CCR5AS: variants seen among roughly 807,000 people sequenced by gnomAD.
CCR5AS encodes the protein CCR5 antisense RNA.
chr3:46,389,211 G>A (rs890012849), intron 2 of CCR5AS, among the ~76,000 whole-genome samples: 2 of 152,198 alleles, frequency 1.3e-5, no homozygotes, highest in Admixed American at 6.5e-5. Flanking sequence ...TCAGAAATGC[G>A]AGTGAGTTTA....
chr3:46,372,932 TGAC>T, intron 2 of CCR5AS: 1 of 1,602,026 alleles, frequency 6.2e-7, no homozygotes, highest in Non-Finnish European at 8.5e-7. Context: ...GTCCAATCTA[TGAC>T]ATCAATTATT....
At chr3:46,402,820 C>CAAATT in intron 1 of CCR5AS, among the ~76,000 whole-genome samples, 1 of 152,238 alleles carries the variant, frequency 6.6e-6, no homozygotes, top group Non-Finnish European at 1.5e-5. Flanking sequence ...GTTTGTTGTA[C>CAAATT]AAATTATTTC....
At chr3:46,373,801 T>G in intron 2 of CCR5AS, 1 of 1,614,006 alleles carries the variant, frequency 6.2e-7, no homozygotes, top group Non-Finnish European at 8.5e-7. Context: ...TATGCCTTTG[T>G]CGGGGAGAAG....
At chr3:46,397,070 G>C (rs566056267) in intron 1 of CCR5AS, among the ~76,000 whole-genome samples, 1 of 152,322 alleles carries the variant, frequency 6.6e-6, no homozygotes, top group South Asian at 2.1e-4. Flanking sequence ...AAGGAGGAGT[G>C]GGGGCAAGAG....
intron 1 of CCR5AS, among the ~76,000 whole-genome samples, chr3:46,395,644 T>A (rs1177169342): frequency 6.6e-6 from 1 of 152,088 alleles, no homozygotes; most frequent in Non-Finnish European, 1.5e-5. Flanking sequence ...CTCTGCCCAC[T>A]CATGGCAAAG....
intron 2 of CCR5AS, among the ~76,000 whole-genome samples, chr3:46,386,344 G>C (rs6787972): frequency 6.6e-6 from 1 of 152,068 alleles, no homozygotes; most frequent in South Asian, 2.1e-4. Context: ...TGCAGTCAAC[G>C]TCTCACCAGT....
At chr3:46,397,449 A>G (rs35878193) in intron 1 of CCR5AS, among the ~76,000 whole-genome samples, 47,424 of 151,908 alleles carry the variant, frequency 0.31, 9,263 homozygotes, top group African/African-American at 0.55. Flanking sequence ...TCTATACAAA[A>G]ATTTGGACAA....
intron 2 of CCR5AS, chr3:46,373,995 G>C: frequency 6.7e-7 from 1 of 1,490,342 alleles, no homozygotes; most frequent in Non-Finnish European, 9.1e-7. Context: ...CCCAGTCAGA[G>C]TTGTGCACAT....
At chr3:46,397,848 T>C (rs1200770217) in intron 1 of CCR5AS, among the ~76,000 whole-genome samples, 1 of 152,214 alleles carries the variant, frequency 6.6e-6, no homozygotes, top group Non-Finnish European at 1.5e-5. Flanking sequence ...AACCACATTT[T>C]ACAACAAACG....
At chr3:46,406,943 T>C (rs901924750) in exon 1 of CCR5AS, 1 of 151,898 alleles carries the variant, frequency 6.6e-6, no homozygotes, top group Non-Finnish European at 1.5e-5. Context: ...AATCAGCGGG[T>C]GGGTTTCTGC....
At chr3:46,374,050 A>T in intron 2 of CCR5AS, 1 of 934,134 alleles carries the variant, frequency 1.1e-6, no homozygotes, top group Non-Finnish European at 1.6e-6. Flanking sequence ...GGGGTGGGAG[A>T]GGTCTTTTTT....
intron 3 of CCR5AS, among the ~76,000 whole-genome samples, chr3:46,365,402 A>G (rs138484485): frequency 1.4e-4 from 21 of 152,348 alleles, no homozygotes; most frequent in African/African-American, 4.6e-4. Context: ...GCAATACAAT[A>G]TTTTTAATTA....
intron 2 of CCR5AS, among the ~76,000 whole-genome samples, chr3:46,381,551 T>G (rs1252755808): frequency 6.6e-6 from 1 of 152,214 alleles, no homozygotes; most frequent in African/African-American, 2.4e-5. Flanking sequence ...TTCCTCCTTT[T>G]GAAACTGCAT....
intron 3 of CCR5AS, among the ~76,000 whole-genome samples, chr3:46,368,773 G>A (rs1424505793): frequency 6.6e-6 from 1 of 152,182 alleles, no homozygotes; most frequent in African/African-American, 2.4e-5. Context: ...GTGTGACTCC[G>A]AGCCTGCTCC....
intron 1 of CCR5AS, among the ~76,000 whole-genome samples, chr3:46,400,737 G>A (rs146131713): frequency 6.3e-4 from 96 of 152,300 alleles, no homozygotes; most frequent in African/African-American, 2.2e-3. Flanking sequence ...GTGAATAGAA[G>A]CCCCTTATCC....
intron 2 of CCR5AS, among the ~76,000 whole-genome samples, chr3:46,384,935 G>T (rs1272971840): frequency 3.9e-5 from 6 of 152,214 alleles, no homozygotes. Flanking sequence ...ACACTGGTGT[G>T]AGTGTGGGTG....
chr3:46,370,988 G>T (rs552107409), intron 3 of CCR5AS: 2 of 152,266 alleles, frequency 1.3e-5, no homozygotes, highest in East Asian at 1.9e-4. Context: ...AACTCTCCCC[G>T]GTAAGTAACC....
intron 2 of CCR5AS, among the ~76,000 whole-genome samples, chr3:46,391,756 A>G (rs112982903): frequency 0.13 from 20,455 of 152,064 alleles, 1,544 homozygotes; most frequent in Non-Finnish European, 0.15. Context: ...GAAGGTGACC[A>G]AAGGTTTATA....
At chr3:46,390,735 C>T (rs148721018) in intron 2 of CCR5AS, among the ~76,000 whole-genome samples, 1,760 of 152,206 alleles carry the variant, frequency 0.012, 34 homozygotes, top group African/African-American at 0.039. Flanking sequence ...GTTAAAATGT[C>T]TCAGCCTATT....
Sources: gnomAD v4.1 joint callset for allele counts (sites outside exome capture counted in the v4.1 genomes callset) on GRCh38, gnomAD v4.1.1 for gene constraint, MANE v1.5 for transcripts, NCBI Gene and HGNC (gene_info 2026-07-23, HGNC 2026-07-21) for gene names.